Variants in ADGRL3 observed in about 807,000 individuals in gnomAD.
ADGRL3 encodes the protein calcium-independent alpha-latrotoxin receptor 3.
ADGRL3 carries 62 observed loss-of-function variants against 153.5 expected under a neutral mutation model. That is an observed-to-expected ratio of 0.40 (90% CI 0.33 to 0.50). The LOEUF (loss-of-function observed/expected upper bound fraction) is 0.50, where lower values mean the gene tolerates loss of function less well. Among genes scored for constraint, ADGRL3 ranks in the 20% least tolerant of loss-of-function variants. The pLI, the probability that ADGRL3 is intolerant of heterozygous loss-of-function variation, is 0.47. For missense variants in ADGRL3, 1,641 were observed against 1,859.4 expected, an observed-to-expected ratio of 0.88 and a Z score of 2.16; for synonymous variants, 710 against 672.5, an observed-to-expected ratio of 1.06 and a Z score of -0.86.
At chr4:61,513,898 A>C (rs2098477182) in intron 3 of ADGRL3, among the ~76,000 whole-genome samples, 1 of 152,190 alleles carries the variant, frequency 6.6e-6, no homozygotes, top group African/African-American at 2.4e-5. Flanking sequence ...ACATCTTAAA[A>C]TTACATGCAA....
intron 1 of ADGRL3, among the ~76,000 whole-genome samples, chr4:61,306,782 T>C (rs2094805775): frequency 6.6e-6 from 1 of 152,162 alleles, no homozygotes; most frequent in African/African-American, 2.4e-5. Flanking sequence ...TTAGAACATG[T>C]CTCTCACCCC....
Position 61,841,120 on chromosome 4 carries a change from C to G in ADGRL3, c.1480+27231C>G, listed in dbSNP as rs552910208. 2.6e-5 allele frequency among the ~76,000 whole-genome samples: 4 copies of G among 152,146 alleles called. 1 individual carries two copies. The highest frequency in any genetic ancestry group is 5.9e-5 in the Non-Finnish European group (4 of 68,026). On this transcript the variant is annotated intron_variant, in intron 9 of 26. Coordinates refer to ENST00000683033, the MANE Select transcript of ADGRL3 (RefSeq NM_001387552.1). ...GCAAGCTATGAGCTTACCTCCTCCC[C>G]CTTTCTTTCTTCGTCTCTTGCCATC...
intron 4 of ADGRL3, among the ~76,000 whole-genome samples, chr4:61,537,806 A>G (rs2098666109): frequency 6.6e-6 from 1 of 152,198 alleles, no homozygotes; most frequent in African/African-American, 2.4e-5. Flanking sequence ...CCATTTTAAT[A>G]AATCCAAATT....
intron 2 of ADGRL3, among the ~76,000 whole-genome samples, chr4:61,387,871 G>A (rs1383980499): frequency 6.6e-6 from 1 of 152,124 alleles, no homozygotes; most frequent in Admixed American, 6.5e-5. Context: ...GGTATTGATT[G>A]GGGAAGTGGT....
chr4:61,914,703 C>T (rs990839714), intron 13 of ADGRL3, among the ~76,000 whole-genome samples: 18 of 152,188 alleles, frequency 1.2e-4, no homozygotes, highest in Admixed American at 8.5e-4. Context: ...TCACATTCCA[C>T]TATCCTTCTG....
chr4:61,820,258 T>C (rs2148709695), intron 9 of ADGRL3, among the ~76,000 whole-genome samples: 1 of 152,296 alleles, frequency 6.6e-6, no homozygotes, highest in Non-Finnish European at 1.5e-5. Flanking sequence ...AGAGATTCTG[T>C]TCTTTAAATC....
At chr4:61,262,790 C>T (rs1467436870) in intron 1 of ADGRL3, among the ~76,000 whole-genome samples, 1 of 152,070 alleles carries the variant, frequency 6.6e-6, no homozygotes, top group Admixed American at 6.6e-5. Context: ...GACTCCTTAT[C>T]CTTTTTATCA....
At chr4:61,289,257 T>G (rs1038619209) in intron 1 of ADGRL3, among the ~76,000 whole-genome samples, 5 of 151,976 alleles carry the variant, frequency 3.3e-5, no homozygotes, top group Admixed American at 1.3e-4. Context: ...GCTAGATATA[T>G]TTTCACCTTA....
At chr4:61,663,617 G>A (rs1429244938) in intron 5 of ADGRL3, among the ~76,000 whole-genome samples, 1 of 152,174 alleles carries the variant, frequency 6.6e-6, no homozygotes, top group Non-Finnish European at 1.5e-5. Context: ...GGAGGAATGA[G>A]CCCAGCAGGC....
chr4:61,503,471 T>TAA lies in ADGRL3; in HGVS notation c.55+6125_55+6126dup, dbSNP rs78531871. 7.9e-5 allele frequency among the ~76,000 whole-genome samples: 12 copies of TAA among 152,052 alleles called. No homozygotes were observed. The East Asian group carries it at 2.3e-3, about 29-fold the overall frequency. ...TTTAAAAATATTTGAATATACAATATAAAGTCATTGTTTTCTTATTCTTTG... is the reference window on the plus strand; with the variant it reads ...TTTAAAAATATTTGAATATACAATATAAAAAGTCATTGTTTTCTTATTCTTTG... On this transcript the variant is annotated intron_variant, in intron 3 of 26. Coordinates refer to ENST00000683033, the MANE Select transcript of ADGRL3 (RefSeq NM_001387552.1).
intron 2 of ADGRL3, among the ~76,000 whole-genome samples, chr4:61,410,009 T>C (rs1019217941): frequency 5.8e-4 from 88 of 152,166 alleles, no homozygotes; most frequent in African/African-American, 2.0e-3. Flanking sequence ...TTTGTGTTTT[T>C]AATCTCCTCT....
chr4:61,614,258 G>T (rs2091740882), intron 5 of ADGRL3, among the ~76,000 whole-genome samples: 2 of 152,126 alleles, frequency 1.3e-5, no homozygotes, highest in South Asian at 4.1e-4. Flanking sequence ...CTTACATTGA[G>T]AATCACCTCA....
chr4:61,666,783 A>G (rs1014614690), intron 5 of ADGRL3, among the ~76,000 whole-genome samples: 6 of 152,134 alleles, frequency 3.9e-5, no homozygotes, highest in Non-Finnish European at 5.9e-5. Context: ...TCAAGTACAT[A>G]CTCCAACTCA....
intron 2 of ADGRL3, among the ~76,000 whole-genome samples, chr4:61,472,889 T>C (rs924145740): frequency 6.6e-6 from 1 of 152,144 alleles, no homozygotes; most frequent in Non-Finnish European, 1.5e-5. Context: ...AGCTCAATTA[T>C]ACCTAAAGTT....
rs1292551203 is a variant in ADGRL3 at position 61,529,661 on chromosome 4, A to G, written c.259+12143A>G. 5.3e-5 allele frequency among the ~76,000 whole-genome samples: 8 copies of G among 152,152 alleles called. No individual in the cohort carries two copies. The South Asian group carries it at 1.7e-3, about 31-fold the overall frequency. On this transcript the variant is annotated intron_variant, in intron 4 of 26. Transcript: ENST00000683033. ...ATTTGACATTTATGGAATGATATAT[A>G]AAGCTTTTTACTTCTTTAAGTCTAT...
chr4:61,909,761 A>ATGTGTGTGTGTGTG lies in ADGRL3; in HGVS notation c.2073+44_2073+57dup, dbSNP rs58884223. The ATGTGTGTGTGTGTG allele has an allele frequency of 6.0e-5, 72 of 1,196,390 alleles. No homozygotes were observed. The highest frequency in any genetic ancestry group is 3.4e-4 in the Admixed American group (14 of 41,296). The allele number at this position is 1,196,390 out of a possible 1,614,324, so 74.1% of individuals were successfully genotyped here. On this transcript the variant is annotated intron_variant, in intron 12 of 26. Coordinates refer to ENST00000683033, the MANE Select transcript of ADGRL3 (RefSeq NM_001387552.1). Reference sequence around the variant, plus strand: ...TTTGAACAAGGTAAGGACCCTAATTATGTGTGTGTGTGTGTGTGTGTGTGT... The same window carrying ATGTGTGTGTGTGTG: ...TTTGAACAAGGTAAGGACCCTAATTATGTGTGTGTGTGTGTGTGTGTGTGTGTGTGTGTGTGTGT...
At chr4:61,524,875 T>C (rs1474782587) in intron 4 of ADGRL3, among the ~76,000 whole-genome samples, 4 of 152,222 alleles carry the variant, frequency 2.6e-5, no homozygotes, top group Non-Finnish European at 1.5e-5. Context: ...AAAAGCAAAA[T>C]AATTTTTGAA....
chr4:61,849,105 C>T (rs2098170715), intron 9 of ADGRL3, among the ~76,000 whole-genome samples: 1 of 152,142 alleles, frequency 6.6e-6, no homozygotes, highest in Admixed American at 6.6e-5. Context: ...AATGCCTCAG[C>T]CACTGTTGGA....
intron 2 of ADGRL3, among the ~76,000 whole-genome samples, chr4:61,388,536 T>A (rs932610110): frequency 6.6e-6 from 1 of 152,218 alleles, no homozygotes; most frequent in Non-Finnish European, 1.5e-5. Context: ...GAGTAGTTCT[T>A]TAATCCTCTA....
Sources: allele counts gnomAD v4.1 joint callset (sites outside exome capture counted in the v4.1 genomes callset), GRCh38; gene constraint gnomAD v4.1.1; transcripts MANE v1.5; gene names NCBI Gene and HGNC (gene_info 2026-07-23, HGNC 2026-07-21).